Variants in C8orf88 observed in about 807,000 individuals in gnomAD.
The protein encoded by C8orf88 is uncharacterized protein C8orf88.
C8orf88 carries 14 observed loss-of-function variants against 18.4 expected under a neutral mutation model. The ratio of observed to expected loss-of-function variants is 0.76; its 90% confidence interval spans 0.50 to 1.19. C8orf88 has a LOEUF of 1.19. C8orf88 is among the 50% of genes most tolerant of loss of function. The probability of loss-of-function intolerance (pLI) is 0.00; values close to 1 mark genes in which losing one functional copy is unlikely to be tolerated. For synonymous variants in C8orf88, 45 were observed against 42.9 expected, an observed-to-expected ratio of 1.05 and a Z score of -0.19; for missense variants, 116 against 134.7, an observed-to-expected ratio of 0.86 and a Z score of 0.69.
At chr8:90,984,194 A>C (rs1306148875) in intron 1 of C8orf88, among the ~76,000 whole-genome samples, 1 of 152,216 alleles carries the variant, frequency 6.6e-6, no homozygotes, top group Non-Finnish European at 1.5e-5. Context: ...TTGAGAAATA[A>C]GATCATATAA....
chr8:90,973,272 C>T (rs1811307929), intron 3 of C8orf88, among the ~76,000 whole-genome samples: 2 of 151,948 alleles, frequency 1.3e-5, no homozygotes, highest in Admixed American at 1.3e-4. Context: ...TAGGAGTTAG[C>T]CTGGCAAACT....
At chr8:90,978,873 T>C (rs2130323310) in intron 2 of C8orf88, among the ~76,000 whole-genome samples, 1 of 152,286 alleles carries the variant, frequency 6.6e-6, no homozygotes, top group East Asian at 1.9e-4. Flanking sequence ...GAGTTCACAG[T>C]GTATTTTAAA....
chr8:90,971,150 C>T lies in C8orf88; in HGVS notation c.148-9G>A. On this transcript the variant is annotated splice_polypyrimidine_tract_variant and intron_variant, in intron 3 of 5. Coordinates refer to ENST00000517562, the MANE Select transcript of C8orf88 (RefSeq NM_001190972.2). ...ATTCCATTCGTCTTACACTGTTAAA[C>T]ATGAAGAAAATAAACTTTTTAACTC... 6.9e-7 allele frequency: 1 copy of T among 1,447,824 alleles called. No homozygotes were observed. The allele number at this position is 1,447,824 out of a possible 1,614,324, so 89.7% of individuals were successfully genotyped here.
In C8orf88 at chr8:90,980,384, G is replaced by C. The variant is rs548242893; in HGVS notation, c.52C>G (p.Arg18Gly). The C allele has an allele frequency of 7.8e-6, 12 of 1,531,808 alleles. No individual in the cohort carries two copies. The highest frequency in any genetic ancestry group is 1.4e-5 in the African/African-American group (1 of 72,806). The allele number at this position is 1,531,808 out of a possible 1,614,324, so 94.9% of individuals were successfully genotyped here. A position where few individuals can be genotyped will look rare whatever the true frequency, so the allele number is the denominator to read the frequency against. The change falls in exon 2 of 6, where the codon CGT (arginine) becomes GGT (glycine). Residue 18 changes from arginine to glycine, a missense_variant. Coordinates refer to ENST00000517562, the MANE Select transcript of C8orf88 (RefSeq NM_001190972.2). ...TCACCTGGGGGAGAAGTCAGATGAC[G>C]AACAGGTCTTGCTGGTTGAAGCGGT... ...GKPLQPARPV[R>G]HLTSPPGAVF...
chr8:90,959,662 G>A lies in C8orf88; in HGVS notation c.331-632C>T, dbSNP rs551518295. Among the ~76,000 whole-genome samples, 3 of 151,438 alleles carry A rather than the reference G, an allele frequency of 2.0e-5. No individual in the cohort carries two copies. In the East Asian group the frequency reaches 5.8e-4, roughly 29 times the overall value. On this transcript the variant is annotated intron_variant, in intron 5 of 5. Transcript: ENST00000517562. ...TAATATAAACTATGAACAACATAAT[G>A]TTTTTTAAAAATTATAATTTGAGGA... is the stretch of plus-strand genomic sequence containing the variant.
intron 1 of C8orf88, among the ~76,000 whole-genome samples, chr8:90,980,938 T>C (rs1811426076): frequency 6.6e-6 from 1 of 152,174 alleles, no homozygotes; most frequent in African/African-American, 2.4e-5. Flanking sequence ...TCTTCGATTG[T>C]CTCTTCTAAC....
chr8:90,968,418 T>C (rs1213973008), intron 4 of C8orf88, among the ~76,000 whole-genome samples: 3 of 151,226 alleles, frequency 2.0e-5, no homozygotes, highest in African/African-American at 7.3e-5. Flanking sequence ...CCATCATATA[T>C]AAAAATTAAC....
chr8:90,979,396 G>T (rs576078831), intron 2 of C8orf88, among the ~76,000 whole-genome samples: 1 of 152,122 alleles, frequency 6.6e-6, no homozygotes, highest in Non-Finnish European at 1.5e-5. Flanking sequence ...CTACACAACC[G>T]CTTCCACTGC....
intron 5 of C8orf88, 110 bp downstream of exon 5, chr8:90,960,632 A>G: frequency 1.8e-6 from 1 of 560,344 alleles, no homozygotes; most frequent in Admixed American, 3.3e-5. Context: ...TGAATTACTT[A>G]TATCTTATAA....
intron 3 of C8orf88, among the ~76,000 whole-genome samples, chr8:90,973,960 GA>G (rs1229901840): frequency 1.3e-5 from 2 of 151,216 alleles, no homozygotes; most frequent in East Asian, 1.9e-4. Flanking sequence ...AGGTAAACAG[GA>G]AAAAAAATTA....
At chr8:90,978,887 CA>C (rs748059985) in intron 2 of C8orf88, among the ~76,000 whole-genome samples, 1 of 152,068 alleles carries the variant, frequency 6.6e-6, no homozygotes, top group Non-Finnish European at 1.5e-5. Flanking sequence ...TTTTAAAAGA[CA>C]AGTTCATACA....
chr8:90,970,684 C>T (rs1811269767), intron 4 of C8orf88, among the ~76,000 whole-genome samples: 1 of 151,990 alleles, frequency 6.6e-6, no homozygotes, highest in African/African-American at 2.4e-5. Flanking sequence ...TTCCTAATGG[C>T]TACACAGGAA....
At chr8:90,960,631 TATATC>T (rs1388853799) in intron 5 of C8orf88, 106 bp downstream of exon 5, 5 of 562,288 alleles carry the variant, frequency 8.9e-6, no homozygotes, top group South Asian at 5.7e-5. Flanking sequence ...CTGAATTACT[TATATC>T]TTATAATAAG....
In C8orf88 at chr8:90,960,798, T is replaced by C; in HGVS notation, c.274A>G (p.Ile92Val). The change falls in exon 5 of 6, where the codon ATC becomes GTC. Residue 92 changes from isoleucine (I) to valine (V), a missense_variant. Coordinates refer to ENST00000517562, the MANE Select transcript of C8orf88 (RefSeq NM_001190972.2). ...DFLLKLSSVSICRKKPDFLPD... is the reference protein window; with the variant it reads ...DFLLKLSSVSVCRKKPDFLPD... ...AGAAAGTCTGGTTTTTTTCTGCAGA[T>C]GGAAACACTTGAGAGCTTCAACAGG... 1.3e-6 allele frequency: 2 copies of C among 1,531,612 alleles called. No individual in the cohort carries two copies. The highest frequency in any genetic ancestry group is 2.7e-5 in the African/African-American group (2 of 72,862). The allele number at this position is 1,531,612 out of a possible 1,614,324, so 94.9% of individuals were successfully genotyped here.
intron 4 of C8orf88, among the ~76,000 whole-genome samples, chr8:90,969,574 T>G (rs1157989913): frequency 6.6e-6 from 1 of 151,900 alleles, no homozygotes; most frequent in Non-Finnish European, 1.5e-5. Context: ...TTATATGATA[T>G]GACCAAATAG....
chr8:90,978,222 CAAAT>C (rs970636847), intron 3 of C8orf88, among the ~76,000 whole-genome samples: 2 of 151,936 alleles, frequency 1.3e-5, no homozygotes, highest in Non-Finnish European at 1.5e-5. Context: ...TTACATAAAA[CAAAT>C]AAAACAATTA....
At chr8:90,979,179 C>T (rs1383468380) in intron 2 of C8orf88, among the ~76,000 whole-genome samples, 1 of 152,158 alleles carries the variant, frequency 6.6e-6, no homozygotes, top group Non-Finnish European at 1.5e-5. Context: ...GAAGGTACAA[C>T]TAAATAAGAT....
intron 3 of C8orf88, among the ~76,000 whole-genome samples, chr8:90,971,416 T>C (rs1315776400): frequency 2.0e-5 from 3 of 152,008 alleles, no homozygotes; most frequent in Admixed American, 1.3e-4. Flanking sequence ...CATAAATAAT[T>C]CCATAGCCAT....
At position 90,978,604 on chromosome 8, in the gene C8orf88, T is replaced by C. The variant is rs1811386543; in HGVS notation, c.122A>G (p.Gln41Arg). Residue 41 changes from glutamine (Q) to arginine (R), a missense_variant, in exon 3 of 6, where the codon CAG (glutamine) becomes CGG (arginine). Gln to Arg is a conservative substitution (Grantham distance 43). Coordinates refer to ENST00000517562, the MANE Select transcript of C8orf88 (RefSeq NM_001190972.2). The stretch of plus-strand genomic sequence containing the variant: ...TCTGCTAACTCCACTTTGTATGCAC[T>C]GAGTGTTGCATGGATATTCGTTTTG... ...NFQNEYPCNT[Q>R]CIQSGVSRCK... 2 of 1,529,920 alleles carry C rather than the reference T, an allele frequency of 1.3e-6. No homozygotes were observed. Among genetic ancestry groups the C allele is most frequent in the South Asian group, 1.2e-5 (1 of 82,642 alleles). 94.8% of individuals were successfully genotyped at this position (1,529,920 alleles called of 1,614,324 possible). A position where few individuals can be genotyped will look rare whatever the true frequency, so the allele number is the denominator to read the frequency against.
Sources: allele counts gnomAD v4.1 joint callset (sites outside exome capture counted in the v4.1 genomes callset), GRCh38; gene constraint gnomAD v4.1.1; transcripts MANE v1.5; gene names NCBI Gene and HGNC (gene_info 2026-07-23, HGNC 2026-07-21).